Variants in MAGI1 observed in about 807,000 individuals in gnomAD.
MAGI1 encodes membrane-associated guanylate kinase, WW and PDZ domain-containing protein 1.
A neutral mutation model predicts 139.9 loss-of-function variants in MAGI1; 58 were observed. The observed-to-expected ratio is 0.41, with a 90% CI of 0.34 to 0.52. MAGI1 has a LOEUF of 0.52. MAGI1 is among the 20% of genes least tolerant of loss of function. The pLI is 0.12. For missense variants in MAGI1, 1,874 were observed against 1,901.6 expected, an observed-to-expected ratio of 0.99 and a Z score of 0.27; for synonymous variants, 812 against 737.9, an observed-to-expected ratio of 1.10 and a Z score of -1.63.
intron 1 of MAGI1, among the ~76,000 whole-genome samples, chr3:65,746,459 C>T (rs1391997030): frequency 1.3e-5 from 2 of 152,282 alleles, no homozygotes; most frequent in East Asian, 3.9e-4. Flanking sequence ...TATATGGAGT[C>T]ACTATATCAA....
intron 1 of MAGI1, among the ~76,000 whole-genome samples, chr3:65,786,712 C>T (rs538040364): frequency 4.7e-4 from 70 of 150,128 alleles, no homozygotes; most frequent in Admixed American, 1.6e-3. Flanking sequence ...CCCGGGTTCA[C>T]GCCATTCTCC....
chr3:65,692,404 A>G (rs4688591), intron 1 of MAGI1, among the ~76,000 whole-genome samples: 140,161 of 152,198 alleles, frequency 0.92, 64,606 homozygotes, highest in East Asian at 0.98. Flanking sequence ...GTTATGGGTG[A>G]AACTGTGCCT....
intron 2 of MAGI1, among the ~76,000 whole-genome samples, chr3:65,602,961 A>T (rs1371897923): frequency 6.6e-6 from 1 of 152,148 alleles, no homozygotes; most frequent in African/African-American, 2.4e-5. Context: ...TACCATGTAC[A>T]ACTTTATACC....
At chr3:65,440,213 G>A (rs1471148917) in intron 8 of MAGI1, among the ~76,000 whole-genome samples, 2 of 152,196 alleles carry the variant, frequency 1.3e-5, no homozygotes, top group African/African-American at 4.8e-5. Flanking sequence ...TAAGCACTGG[G>A]CTACCAGTTT....
At chr3:65,781,344 T>C (rs1324904116) in intron 1 of MAGI1, among the ~76,000 whole-genome samples, 1 of 152,246 alleles carries the variant, frequency 6.6e-6, no homozygotes, top group South Asian at 2.1e-4. Context: ...TAGGCAGTAG[T>C]TGCTAATGGC....
chr3:66,005,793 A>G (rs1357799390), intron 1 of MAGI1, among the ~76,000 whole-genome samples: 4 of 152,176 alleles, frequency 2.6e-5, no homozygotes. Context: ...GAGATCTTCC[A>G]TGCATCTCCC....
chr3:65,767,028 C>T, intron 1 of MAGI1, among the ~76,000 whole-genome samples: 1 of 152,158 alleles, frequency 6.6e-6, no homozygotes, highest in Admixed American at 6.5e-5. Flanking sequence ...TTCCATTTCT[C>T]TCTCTTTTTT....
chr3:65,512,823 T>G lies in MAGI1; in HGVS notation c.431-19192A>C, dbSNP rs575457711. ...TCATTTTATGAGGCCAGCATCATTCTGATACCAAAGCCAGGCAGAGACACA... is the reference window on the plus strand; with the variant it reads ...TCATTTTATGAGGCCAGCATCATTCGGATACCAAAGCCAGGCAGAGACACA... On this transcript the variant is annotated intron_variant, in intron 2 of 22. Transcript: ENST00000402939. Among the ~76,000 whole-genome samples the G allele has an allele frequency of 6.7e-4, 101 of 151,682 alleles. 3 individuals carry two copies. In the East Asian group the frequency reaches 8.7e-3, roughly 13 times the overall value.
chr3:65,726,167 C>T (rs1335289753), intron 1 of MAGI1, among the ~76,000 whole-genome samples: 1 of 152,122 alleles, frequency 6.6e-6, no homozygotes, highest in Non-Finnish European at 1.5e-5. Flanking sequence ...AAAATAGACA[C>T]AGTCTTGTCA....
intron 2 of MAGI1, among the ~76,000 whole-genome samples, chr3:65,548,511 C>CT (rs1170215972): frequency 0.016 from 1,429 of 87,244 alleles, 231 homozygotes; most frequent in African/African-American, 0.031. Context: ...AAACAACACT[C>CT]TTTTTTTTTT....
At chr3:65,454,911 T>G (rs1381598255) in intron 5 of MAGI1, among the ~76,000 whole-genome samples, 1 of 152,154 alleles carries the variant, frequency 6.6e-6, no homozygotes, top group African/African-American at 2.4e-5. Context: ...TTAAAATTAT[T>G]GCTCCCCATA....
chr3:65,630,158 A>G lies in MAGI1; in HGVS notation c.314-8070T>C, dbSNP rs150449831. Among the ~76,000 whole-genome samples, 41 of 152,336 alleles carry G rather than the reference A, an allele frequency of 2.7e-4. No individual in the cohort carries two copies. In the South Asian group the frequency reaches 3.5e-3, roughly 13 times the overall value. ...TTGGGGAGTTTCATTCACTAATTCAACATGTATTTATTAAGTGCCTAGAGC... is the reference window on the plus strand; with the variant it reads ...TTGGGGAGTTTCATTCACTAATTCAGCATGTATTTATTAAGTGCCTAGAGC... On this transcript the variant is annotated intron_variant, in intron 1 of 22. Transcript: ENST00000402939.
intron 1 of MAGI1, among the ~76,000 whole-genome samples, chr3:65,972,884 G>A (rs1435886202): frequency 6.6e-6 from 1 of 152,158 alleles, no homozygotes; most frequent in Non-Finnish European, 1.5e-5. Context: ...ATGAAAGACA[G>A]CGGTGCTCCT....
chr3:65,769,009 C>T (rs1283774384), intron 1 of MAGI1, among the ~76,000 whole-genome samples: 12 of 151,960 alleles, frequency 7.9e-5, no homozygotes, highest in African/African-American at 2.9e-4. Flanking sequence ...AGCAAAGAGC[C>T]TCTTGGTAAC....
chr3:65,447,895 G>C, intron 7 of MAGI1, 127 bp downstream of exon 7: 2 of 1,093,542 alleles, frequency 1.8e-6, no homozygotes, highest in East Asian at 2.4e-5. Context: ...GGATAAGCTA[G>C]AATGAAAATC....
At chr3:65,910,855 C>CATTTTTTTTTTTTTTT (rs755783850) in intron 1 of MAGI1, among the ~76,000 whole-genome samples, 1 of 59,484 alleles carries the variant, frequency 1.7e-5, no homozygotes, top group African/African-American at 7.9e-5. Flanking sequence ...ACATGGTGGA[C>CATTTTTTTTTTTTTTT]TTTTTTTTTT....
At chr3:65,705,782 G>A (rs781384506) in intron 1 of MAGI1, among the ~76,000 whole-genome samples, 6 of 152,122 alleles carry the variant, frequency 3.9e-5, no homozygotes, top group Admixed American at 6.6e-5. Context: ...AATATGAAAC[G>A]AACTTTTAAG....
intron 1 of MAGI1, among the ~76,000 whole-genome samples, chr3:65,808,153 T>G (rs1012720661): frequency 6.6e-6 from 1 of 151,408 alleles, no homozygotes; most frequent in Non-Finnish European, 1.5e-5. Context: ...GCCCAGCTAA[T>G]TTTGTATTTT....
chr3:65,610,742 G>GTATATACTATATACTATATATATA (rs11276480), intron 2 of MAGI1, among the ~76,000 whole-genome samples: 22,232 of 121,152 alleles, frequency 0.18, 3,418 homozygotes, highest in Non-Finnish European at 0.22. Flanking sequence ...ATAGTATATA[G>GTATATACTATATACTATATATATA]TATATATACA....
Sources: allele counts gnomAD v4.1 joint callset (sites outside exome capture counted in the v4.1 genomes callset), GRCh38; gene constraint gnomAD v4.1.1; transcripts MANE v1.5; gene names NCBI Gene and HGNC (gene_info 2026-07-23, HGNC 2026-07-21).